Variants in PDE6B observed in about 807,000 individuals in gnomAD.
The protein encoded by PDE6B is rod cGMP-specific 3',5'-cyclic phosphodiesterase subunit beta.
PDE6B carries 106 observed loss-of-function variants against 109.0 expected under a neutral mutation model. The observed-to-expected ratio is 0.97, with a 90% CI of 0.83 to 1.14. The LOEUF is 1.14. Among genes scored for constraint, PDE6B ranks in the 50% most tolerant of loss-of-function variants. The pLI is 0.00. For missense variants in PDE6B, 1,193 were observed against 1,155.6 expected (o/e 1.03, Z -0.47); for synonymous variants, 490 against 471.3 (o/e 1.04, Z -0.51).
chr4:652,390 G>T, intron 3 of PDE6B: 1 of 420,960 alleles, frequency 2.4e-6, no homozygotes, highest in Non-Finnish European at 3.2e-6. Context: ...GAAACAGAGA[G>T]TGGAAAGGGG....
At position 662,611 on chromosome 4, in the gene PDE6B, C is replaced by T; in HGVS notation, c.1825C>T (p.Gln609Ter). The T allele has an allele frequency of 6.2e-7, 1 of 1,601,570 alleles. No individual in the cohort carries two copies. Among genetic ancestry groups the T allele is most frequent in the South Asian group, 1.1e-5 (1 of 90,904 alleles). Reference protein sequence around the residue: ...IDHRGTNNLYQMKSQNPLAKL... With the variant: ...IDHRGTNNLY ...CCACCGCGGCACCAACAACCTGTAC[C>T]AGATGAAGTAGGCACCTCAGGGCGG... Residue 609 changes from glutamine (Q) to a stop codon, truncating the protein, a stop_gained, in exon 14 of 22, where the codon CAG (glutamine) becomes TAG (stop). Coordinates refer to ENST00000496514, the MANE Select transcript of PDE6B (RefSeq NM_000283.4). LOFTEE classifies it high-confidence loss of function. The surrounding 1 kb of genome is among the most constrained non-coding windows in gnomAD (Gnocchi z 4.3).
rs766401247 is a variant in PDE6B at position 653,837 on chromosome 4, T to C, written c.712-15T>C. The stretch of plus-strand genomic sequence containing the variant: ...GGGAGTGGCCACAGGCCCACAGGTG[T>C]GCCCCTCCCTCCAGGTGCTGCTGTG... On this transcript the variant is annotated splice_polypyrimidine_tract_variant and intron_variant, in intron 3 of 21. Transcript: ENST00000496514. 3 of 1,613,196 alleles carry C rather than the reference T, an allele frequency of 1.9e-6. No individual in the cohort carries two copies. The highest frequency in any genetic ancestry group is 2.2e-5 in the South Asian group (2 of 91,074).
rs972780689 is a variant in PDE6B, at chr4:633,101, G to A, written c.469-1576G>A. 6.6e-6 allele frequency among the ~76,000 whole-genome samples: 1 copy of A among 152,034 alleles called. No individual in the cohort carries two copies. The highest frequency in any genetic ancestry group is 2.4e-5 in the African/African-American group (1 of 41,314). ...CTGCCACAGGCACAACAGGCACCAC[G>A]ACAAGCAGGCAGGAGTGTGCTGTGC... On this transcript the variant is annotated intron_variant, in intron 1 of 21. Coordinates refer to ENST00000496514, the MANE Select transcript of PDE6B (RefSeq NM_000283.4). This position sits in a 1 kb window ranked among gnomAD's most constrained non-coding sequence, Gnocchi z 4.5.
At chr4:652,534 C>T in intron 3 of PDE6B, 1 of 976,176 alleles carries the variant, frequency 1.0e-6, no homozygotes, top group Non-Finnish European at 1.2e-6. Context: ...TGCCGTTAAC[C>T]ACAGTACACA....
Position 663,686 on chromosome 4 carries a change from C to G in PDE6B, c.1921-84C>G. 1.2e-5 allele frequency: 12 copies of G among 980,288 alleles called. No individual in the cohort carries two copies. The highest frequency in any genetic ancestry group is 1.9e-5 in the Non-Finnish European group (12 of 617,344). 60.7% of individuals were successfully genotyped at this position (980,288 alleles called of 1,614,324 possible). ...AGGGCGGGGGCGTGAGAGGCACAGG[C>G]AGCCGAGGCGGAAGGGGCGGGGTCC... On this transcript the variant is annotated intron_variant, in intron 15 of 21. Coordinates refer to ENST00000496514, the MANE Select transcript of PDE6B (RefSeq NM_000283.4). This position sits in a 1 kb window ranked among gnomAD's most constrained non-coding sequence, Gnocchi z 4.0.
In PDE6B at chr4:662,206, T is replaced by C. The variant is rs888035302; in HGVS notation, c.1687T>C (p.Phe563Leu). The change falls in exon 13 of 22, where the codon TTC becomes CTC. Residue 563 changes from phenylalanine (F) to leucine (L), a missense_variant. By Grantham distance (22) the Phe-to-Leu change is conservative. Transcript: ENST00000496514. This position sits in a 1 kb window ranked among gnomAD's most constrained non-coding sequence, Gnocchi z 4.3. Reference sequence around the variant, plus strand: ...CACCTACCACAACTGGCGCCACGGCTTCAACGTGGCCCAGACGATGTTCAC... The same window carrying C: ...CACCTACCACAACTGGCGCCACGGCCTCAACGTGGCCCAGACGATGTTCAC... ...RITYHNWRHG[F>L]NVAQTMFTLL... The C allele has an allele frequency of 6.3e-7, 1 of 1,576,766 alleles. No individual in the cohort carries two copies. Among genetic ancestry groups the C allele is most frequent in the African/African-American group, 1.3e-5 (1 of 74,114 alleles).
chr4:635,945 C>A lies in PDE6B; in HGVS notation c.687C>A (p.His229Gln). 6.2e-7 allele frequency: 1 copy of A among 1,608,570 alleles called. No individual in the cohort carries two copies. The highest frequency in any genetic ancestry group is 8.5e-7 in the Non-Finnish European group (1 of 1,174,858). The change falls in exon 3 of 22, where the codon CAC becomes CAA. Residue 229 changes from histidine to glutamine, a missense_variant. His to Gln is a conservative substitution (Grantham distance 24, BLOSUM62 0). Transcript: ENST00000496514. ...AGATCTATCACCTGAGCTACCTCCACAACTGCGAGACGCGCCGCGGCCAGG... is the reference window on the plus strand; with the variant it reads ...AGATCTATCACCTGAGCTACCTCCAAAACTGCGAGACGCGCCGCGGCCAGG... ...YLKIYHLSYLHNCETRRGQVL... is the reference protein window; with the variant it reads ...YLKIYHLSYLQNCETRRGQVL...
chr4:667,042 A>C (rs529115759), intron 20 of PDE6B, among the ~76,000 whole-genome samples: 15 of 152,320 alleles, frequency 9.8e-5, no homozygotes, highest in African/African-American at 3.6e-4. Context: ...GCACCCGCCC[A>C]CAGGGGCGTT....
intron 3 of PDE6B, among the ~76,000 whole-genome samples, chr4:641,965 A>T (rs1028466083): frequency 1.3e-5 from 2 of 152,142 alleles, no homozygotes; most frequent in African/African-American, 4.8e-5. Context: ...TTTATTGATT[A>T]TTGGTGTTTT....
rs764517248 is a variant in PDE6B at position 662,511 on chromosome 4, C to G, written c.1725C>G (p.Thr575=). 1.2e-6 allele frequency: 2 copies of G among 1,606,438 alleles called. No individual in the cohort carries two copies. The highest frequency in any genetic ancestry group is 2.7e-5 in the African/African-American group (2 of 74,810). Residue 575 remains threonine, a splice_region_variant and synonymous_variant, in exon 14 of 22, where the codon ACC becomes ACG. Coordinates refer to ENST00000496514, the MANE Select transcript of PDE6B (RefSeq NM_000283.4). The surrounding 1 kb of genome is among the most constrained non-coding windows in gnomAD (Gnocchi z 4.3). ...GCAAGGTGGCCCTGTCTCTACAGAC[C>G]GGCAAACTGAAGAGCTACTACACGG... ...VAQTMFTLLM[T]GKLKSYYTDL...
intron 2 of PDE6B, among the ~76,000 whole-genome samples, chr4:635,361 GCGTGTTCTGTGCCACGCGTCTGCCTC>G: frequency 1.6e-5 from 2 of 128,634 alleles, no homozygotes; most frequent in African/African-American, 6.7e-5. Flanking sequence ...CTGCCTGCCC[GCGTGTTCTGTGCCACGCGTCTGCCTC>G]CCTGCCTGCC....
Position 664,136 on chromosome 4 carries a change from A to T in PDE6B, c.2044A>T (p.Ile682Phe), listed in dbSNP as rs770670867. The change falls in exon 17 of 22, where the codon ATC becomes TTC. Residue 682 changes from isoleucine to phenylalanine, a missense_variant. By Grantham distance (21) the Ile-to-Phe change is conservative (BLOSUM62 0). Transcript: ENST00000496514. ...YFKKRAMFQK[I>F]VDESKNYQDK... is the part of the protein sequence containing the mutation. Reference sequence around the variant, plus strand: ...CAGGAAGAGAGCGATGTTTCAGAAGATCGTGGATGAGTCCAAGAACTACCA... The same window carrying T: ...CAGGAAGAGAGCGATGTTTCAGAAGTTCGTGGATGAGTCCAAGAACTACCA... 1.2e-6 allele frequency: 2 copies of T among 1,610,604 alleles called. No individual in the cohort carries two copies. The highest frequency in any genetic ancestry group is 2.2e-5 in the South Asian group (2 of 91,034).
In PDE6B at chr4:666,457, G is replaced by T; in HGVS notation, c.2269-74G>T. ...TCCATGAGCACATCTGAGTGAGGGG[G>T]TCGGGGGGCTGGGCGGGGCCCCAGG... On this transcript the variant is annotated intron_variant, in intron 19 of 21. Coordinates refer to ENST00000496514, the MANE Select transcript of PDE6B (RefSeq NM_000283.4). This position sits in a 1 kb window ranked among gnomAD's most constrained non-coding sequence, Gnocchi z 5.6. 3 of 947,758 alleles carry T rather than the reference G, an allele frequency of 3.2e-6. No individual in the cohort carries two copies. Among genetic ancestry groups the T allele is most frequent in the South Asian group, 1.3e-5 (1 of 77,576 alleles). 58.7% of individuals were successfully genotyped at this position (947,758 alleles called of 1,614,324 possible).
chr4:646,270 A>G (rs1285708402), intron 3 of PDE6B, among the ~76,000 whole-genome samples: 2 of 151,976 alleles, frequency 1.3e-5, no homozygotes, highest in Admixed American at 6.5e-5. Flanking sequence ...ATAAGTTAGC[A>G]CATTTTTTTC....
At chr4:657,302 G>A (rs373339864) in intron 9 of PDE6B, 49 bp from the exon 10 acceptor site, 41 of 1,607,938 alleles carry the variant, frequency 2.5e-5, no homozygotes, top group Non-Finnish European at 1.7e-5. Flanking sequence ...CACATGGGAG[G>A]GGGCGCGCCG....
chr4:662,711 G>A lies in PDE6B; in HGVS notation c.1832+93G>A. The A allele has an allele frequency of 1.2e-6, 1 of 854,822 alleles. No homozygotes were observed. Among genetic ancestry groups the A allele is most frequent in the Non-Finnish European group, 2.0e-6 (1 of 504,886 alleles). 53.0% of individuals were successfully genotyped at this position (854,822 alleles called of 1,614,324 possible). A position where few individuals can be genotyped will look rare whatever the true frequency, so the allele number is the denominator to read the frequency against. On this transcript the variant is annotated intron_variant, in intron 14 of 21. Coordinates refer to ENST00000496514, the MANE Select transcript of PDE6B (RefSeq NM_000283.4). The surrounding 1 kb of genome is among the most constrained non-coding windows in gnomAD (Gnocchi z 4.3). The stretch of plus-strand genomic sequence containing the variant: ...CTTCGCATAGCAGGCTATGTAGAAA[G>A]TGGAGTCCACGGCCAGGCCCCGTAC...
rs781654802 is a variant in PDE6B, at chr4:666,756, C to T, written c.2352+142C>T. 27 of 691,700 alleles carry T rather than the reference C, an allele frequency of 3.9e-5. No individual in the cohort carries two copies. The highest frequency in any genetic ancestry group is 8.8e-5 in the African/African-American group (5 of 56,780). 42.8% of individuals were successfully genotyped at this position (691,700 alleles called of 1,614,324 possible). ...AGGGATGCCAGTGCCAGCTTCGTGC[C>T]GCTCTTGAGTGGGGCAAATGGGGAG... On this transcript the variant is annotated intron_variant, in intron 20 of 21. Coordinates refer to ENST00000496514, the MANE Select transcript of PDE6B (RefSeq NM_000283.4). This position sits in a 1 kb window ranked among gnomAD's most constrained non-coding sequence, Gnocchi z 5.6.
chr4:635,540 T>C (rs1734634085), intron 2 of PDE6B, among the ~76,000 whole-genome samples: 1 of 148,826 alleles, frequency 6.7e-6, no homozygotes, highest in South Asian at 2.2e-4. Context: ...CCTGCCTGCC[T>C]GCCCGCGTGT....
chr4:663,997 G>A lies in PDE6B; in HGVS notation c.2022-117G>A, dbSNP rs575143038. 3.8e-5 allele frequency: 42 copies of A among 1,119,856 alleles called. No homozygotes were observed. The highest frequency in any genetic ancestry group is 2.1e-4 in the South Asian group (17 of 80,310). 69.4% of individuals were successfully genotyped at this position (1,119,856 alleles called of 1,614,324 possible). A position where few individuals can be genotyped will look rare whatever the true frequency, so the allele number is the denominator to read the frequency against. On this transcript the variant is annotated intron_variant, in intron 16 of 21. Coordinates refer to ENST00000496514, the MANE Select transcript of PDE6B (RefSeq NM_000283.4). The surrounding 1 kb of genome is among the most constrained non-coding windows in gnomAD (Gnocchi z 4.0). ...CCCCGGATTCCGTCCCTGCCCGCCG[G>A]CCCCGCGCACCCCGGATGGGGCCTC... is the stretch of plus-strand genomic sequence containing the variant.
Sources: gnomAD v4.1 joint callset for allele counts (sites outside exome capture counted in the v4.1 genomes callset) on GRCh38, gnomAD v4.1.1 for gene constraint, Gnocchi (gnomAD v3.1) non-coding constraint, MANE v1.5 for transcripts, NCBI Gene and HGNC (gene_info 2026-07-23, HGNC 2026-07-21) for gene names.